MAK16: variants seen among roughly 807,000 people sequenced by gnomAD.
The protein encoded by MAK16 is protein MAK16 homolog.
A neutral mutation model predicts 49.9 loss-of-function variants in MAK16; 12 were observed. That is an observed-to-expected ratio of 0.24 (90% CI 0.15 to 0.39). The LOEUF (loss-of-function observed/expected upper bound fraction) is 0.39. Among genes scored for constraint, MAK16 ranks in the 10% least tolerant of loss-of-function variants. MAK16 has a pLI of 1.00. For missense variants in MAK16, 292 were observed against 363.7 expected (o/e 0.80, Z 1.60); for synonymous variants, 115 against 126.4 (o/e 0.91, Z 0.60).
rs1809015030 is a variant in MAK16, at chr8:33,500,198, A to G, written c.*1569A>G. 1.3e-5 allele frequency: 13 copies of G among 1,000,444 alleles called. No individual in the cohort carries two copies. In the South Asian group the frequency reaches 1.7e-4, roughly 13 times the overall value. The allele number at this position is 1,000,444 out of a possible 1,614,324, so 62.0% of individuals were successfully genotyped here. A position where few individuals can be genotyped will look rare whatever the true frequency, so the allele number is the denominator to read the frequency against. ...GCTCTTTTGAGGCTAGAGGGCTCAT[A>G]TGGAGATCTAAAACCCTCCATGTTC... On this transcript the variant is annotated 3_prime_UTR_variant, in exon 10 of 10. Transcript: ENST00000360128.
intron 5 of MAK16, 69 bp from the exon 6 acceptor site, chr8:33,490,216 T>C: frequency 7.5e-7 from 1 of 1,338,264 alleles, no homozygotes; most frequent in Non-Finnish European, 1.1e-6. Flanking sequence ...CAATCCTTTT[T>C]TCTTCTCATC....
intron 1 of MAK16, among the ~76,000 whole-genome samples, chr8:33,486,945 A>T (rs564650000): frequency 1.3e-5 from 2 of 152,358 alleles, no homozygotes; most frequent in African/African-American, 4.8e-5. Context: ...TGATACTTAA[A>T]GCCACAAGCC....
chr8:33,495,621 GA>G lies in MAK16; in HGVS notation c.522+8del. The G allele has an allele frequency of 1.3e-6, 2 of 1,556,670 alleles. No homozygotes were observed. The highest frequency in any genetic ancestry group is 1.7e-6 in the Non-Finnish European group (2 of 1,144,882). The stretch of plus-strand genomic sequence containing the variant: ...GAGAGACTGAAACAAGATACGGTGA[GA>G]AAGCCATTAGCTTTGGGGTACTGAA... On this transcript the variant is annotated splice_donor_region_variant and intron_variant, in intron 7 of 9. Transcript: ENST00000360128.
Position 33,500,469 on chromosome 8 carries a change from GACC to G in MAK16, c.*1843_*1845del, listed in dbSNP as rs1291060425. On this transcript the variant is annotated 3_prime_UTR_variant, in exon 10 of 10. Transcript: ENST00000360128. ...TCAGTTTCAAGAGGGCCTTCAGTAA[GACC>G]ACAAGTCTGCAGGAAACTCTGGAAT... The G allele has an allele frequency of 1.2e-6, 2 of 1,613,944 alleles. No individual in the cohort carries two copies. The highest frequency in any genetic ancestry group is 1.3e-5 in the African/African-American group (1 of 74,902).
Position 33,500,451 on chromosome 8 carries a change from C to T in MAK16, c.*1822C>T, listed in dbSNP as rs547919889. ...CCCTTGCTACATCACAAATCAGTTTCAAGAGGGCCTTCAGTAAGACCACAA... is the reference window on the plus strand; with the variant it reads ...CCCTTGCTACATCACAAATCAGTTTTAAGAGGGCCTTCAGTAAGACCACAA... On this transcript the variant is annotated 3_prime_UTR_variant, in exon 10 of 10. Coordinates refer to ENST00000360128, the MANE Select transcript of MAK16 (RefSeq NM_032509.4). 4 of 1,614,104 alleles carry T rather than the reference C, an allele frequency of 2.5e-6. No homozygotes were observed. In the South Asian group the frequency reaches 3.3e-5, roughly 13 times the overall value.
intron 6 of MAK16, among the ~76,000 whole-genome samples, chr8:33,494,038 T>C (rs1049144596): frequency 6.6e-6 from 1 of 152,216 alleles, no homozygotes; most frequent in African/African-American, 2.4e-5. Flanking sequence ...ATAAAAAGAT[T>C]GGCAAATTTG....
At chr8:33,488,163 G>C (rs1212941770) in intron 1 of MAK16, among the ~76,000 whole-genome samples, 1 of 152,048 alleles carries the variant, frequency 6.6e-6, no homozygotes, top group African/African-American at 2.4e-5. Flanking sequence ...CCTCACCTCA[G>C]GTGATCCGCC....
rs1348807663 is a variant in MAK16, at chr8:33,489,303, A to G, written c.392+164A>G. The G allele has an allele frequency of 2.6e-5, 16 of 605,398 alleles. No homozygotes were observed. Among genetic ancestry groups the G allele is most frequent in the Non-Finnish European group, 4.6e-5 (16 of 349,282 alleles). The allele number at this position is 605,398 out of a possible 1,614,324, so 37.5% of individuals were successfully genotyped here. Reference sequence around the variant, plus strand: ...TTTGACTAAAGGTGTGCCCTTTGATATGGCAGGACTTTTAAAACAGTAGAA... The same window carrying G: ...TTTGACTAAAGGTGTGCCCTTTGATGTGGCAGGACTTTTAAAACAGTAGAA... On this transcript the variant is annotated intron_variant, in intron 5 of 9. Coordinates refer to ENST00000360128, the MANE Select transcript of MAK16 (RefSeq NM_032509.4). This position sits in a 1 kb window ranked among gnomAD's most constrained non-coding sequence, Gnocchi z 4.2.
chr8:33,498,614 A>G lies in MAK16; in HGVS notation c.888A>G (p.Lys296=). ...EYEQETEPVA[K]AKTT ...AGCAGGAGACAGAGCCCGTGGCCAAAGCCAAAACCACGTGATTTCCCTTTC... is the reference window on the plus strand; with the variant it reads ...AGCAGGAGACAGAGCCCGTGGCCAAGGCCAAAACCACGTGATTTCCCTTTC... The change falls in exon 10 of 10, where the codon AAA becomes AAG. Residue 296 remains lysine, a synonymous_variant. Transcript: ENST00000360128. The G allele has an allele frequency of 6.2e-7, 1 of 1,613,826 alleles. No individual in the cohort carries two copies.
At position 33,501,124 on chromosome 8, in the gene MAK16, TAAAATGG is replaced by T. The variant is rs1382800730; in HGVS notation, c.*2501_*2507del. On this transcript the variant is annotated 3_prime_UTR_variant, in exon 10 of 10. Coordinates refer to ENST00000360128, the MANE Select transcript of MAK16 (RefSeq NM_032509.4). ...CTTAATGCCACTGAACTGTACACTT[TAAAATGG>T]AAAATTTATATGTATTTTTACCACA... 1.3e-5 allele frequency: 2 copies of T among 152,160 alleles called. No homozygotes were observed. The highest frequency in any genetic ancestry group is 2.9e-5 in the Non-Finnish European group (2 of 68,032). 9.4% of individuals were successfully genotyped at this position (152,160 alleles called of 1,614,324 possible). A position where few individuals can be genotyped will look rare whatever the true frequency, so the allele number is the denominator to read the frequency against.
At chr8:33,485,250 C>T (rs898219040) in intron 1 of MAK16, 29 bp downstream of exon 1, 6 of 1,614,026 alleles carry the variant, frequency 3.7e-6, no homozygotes, top group African/African-American at 1.3e-5. Flanking sequence ...TTCTTACACC[C>T]GGGGTTTGCG....
At chr8:33,493,611 T>C (rs189937888) in intron 6 of MAK16, among the ~76,000 whole-genome samples, 10 of 152,334 alleles carry the variant, frequency 6.6e-5, no homozygotes, top group Admixed American at 6.5e-4. Flanking sequence ...TCTCAAGTAC[T>C]TTAATTTTTC....
chr8:33,485,239 G>T lies in MAK16; in HGVS notation c.15+18G>T, dbSNP rs556107826. On this transcript the variant is annotated intron_variant, in intron 1 of 9. Transcript: ENST00000360128. ...CGGATGATGTGAGTCTCCTCCGGTTGTTCTTACACCCGGGGTTTGCGCAGG... is the reference window on the plus strand; with the variant it reads ...CGGATGATGTGAGTCTCCTCCGGTTTTTCTTACACCCGGGGTTTGCGCAGG... 1.9e-6 allele frequency: 3 copies of T among 1,614,218 alleles called. No homozygotes were observed. Among genetic ancestry groups the T allele is most frequent in the Non-Finnish European group, 2.5e-6 (3 of 1,180,048 alleles).
At chr8:33,487,203 A>T (rs1808702576) in intron 1 of MAK16, among the ~76,000 whole-genome samples, 1 of 152,104 alleles carries the variant, frequency 6.6e-6, no homozygotes, top group Non-Finnish European at 1.5e-5. Flanking sequence ...CCCTAACTAG[A>T]TAGACGAAAC....
At chr8:33,485,327 G>T (rs1808668628) in intron 1 of MAK16, 106 bp downstream of exon 1, 3 of 1,460,770 alleles carry the variant, frequency 2.1e-6, no homozygotes, top group Admixed American at 3.4e-5. Flanking sequence ...GCCTCGTGCC[G>T]CTCTGGATGT....
intron 5 of MAK16, 102 bp from the exon 6 acceptor site, chr8:33,490,183 A>G: frequency 1.1e-6 from 1 of 896,702 alleles, no homozygotes; most frequent in East Asian, 2.5e-5. Flanking sequence ...ACATGAGTAG[A>G]CTTCCATTTT....
chr8:33,498,095 C>A lies in MAK16; in HGVS notation c.706-337C>A, dbSNP rs1282892207. 3.9e-4 allele frequency among the ~76,000 whole-genome samples: 33 copies of A among 84,610 alleles called. No homozygotes were observed. The East Asian group carries it at 7.7e-3, about 20-fold the overall frequency. 55.5% of individuals were successfully genotyped at this position (84,610 alleles called of 152,430 possible). On this transcript the variant is annotated intron_variant, in intron 9 of 9. Coordinates refer to ENST00000360128, the MANE Select transcript of MAK16 (RefSeq NM_032509.4). ...TGGGCAACAGAGCGAGACTCCGTCT[C>A]CAAAAAAAAAAAAAAAAAAAATTAA...
Position 33,500,287 on chromosome 8 carries a change from A to C in MAK16, c.*1658A>C. The C allele has an allele frequency of 6.2e-7, 1 of 1,612,042 alleles. No individual in the cohort carries two copies. The highest frequency in any genetic ancestry group is 8.5e-7 in the Non-Finnish European group (1 of 1,178,392). ...AATCAATCATGGGAATTACATAAGG[A>C]TAATGAGGCCCAACTGAAACCAAGT... On this transcript the variant is annotated 3_prime_UTR_variant, in exon 10 of 10. Transcript: ENST00000360128.
intron 7 of MAK16, 80 bp from the exon 8 acceptor site, chr8:33,496,545 G>C: frequency 9.4e-7 from 1 of 1,058,622 alleles, no homozygotes; most frequent in Admixed American, 2.2e-5. Flanking sequence ...TGAGGAAAAA[G>C]TAATATTCTC....
Sources: allele counts gnomAD v4.1 joint callset (sites outside exome capture counted in the v4.1 genomes callset), GRCh38; gene constraint gnomAD v4.1.1; non-coding constraint Gnocchi (gnomAD v3.1); transcripts MANE v1.5; gene names NCBI Gene and HGNC (gene_info 2026-07-23, HGNC 2026-07-21).